The following LYRM4 variants were observed in gnomAD, a reference collection of about 807,000 sequenced individuals.
LYRM4 encodes LYR motif-containing protein 4.
LYRM4 carries 9 observed loss-of-function variants against 11.7 expected under a neutral mutation model. The observed-to-expected ratio is 0.77, with a 90% CI of 0.46 to 1.34. The LOEUF (loss-of-function observed/expected upper bound fraction) is 1.34, where lower values mean the gene tolerates loss of function less well. LYRM4 is among the 40% of genes most tolerant of loss of function. LYRM4 has a pLI of 0.00. For missense variants in LYRM4, 133 were observed against 112.5 expected (o/e 1.18, Z -0.82); for synonymous variants, 42 against 40.4 (o/e 1.04, Z -0.15).
rs965218321 is a variant in LYRM4, at chr6:5,167,346, T to C, written c.207+49272A>G. Among the ~76,000 whole-genome samples the C allele has an allele frequency of 2.6e-5, 4 of 152,214 alleles. 1 individual carries two copies. Among genetic ancestry groups the C allele is most frequent in the African/African-American group, 9.6e-5 (4 of 41,456 alleles). ...AATAGTCTTATACCAGAAAATGTCT[T>C]GTTCTATGCCTACACAAATACACAG... On this transcript the variant is annotated intron_variant, in intron 2 of 2. Transcript: ENST00000330636.
At chr6:5,040,073 C>T in the LYRM4 span, among the ~76,000 whole-genome samples, 2 of 152,132 alleles carry the variant, frequency 1.3e-5, no homozygotes, top group Non-Finnish European at 2.9e-5. Context: ...TAAAACATAT[C>T]CTAAACTATC....
chr6:5,085,667 C>G, the LYRM4 span: 9 of 1,548,328 alleles, frequency 5.8e-6, no homozygotes, highest in African/African-American at 1.4e-5. Context: ...CCCCTGTCCC[C>G]GAAGGAAGAG....
intron 2 of LYRM4, among the ~76,000 whole-genome samples, chr6:5,202,023 G>A (rs1048188224): frequency 1.3e-5 from 2 of 152,172 alleles, no homozygotes; most frequent in Non-Finnish European, 2.9e-5. Flanking sequence ...AATGATCCAT[G>A]CCTGCGGCAC....
intron 2 of LYRM4, among the ~76,000 whole-genome samples, chr6:5,195,107 C>T (rs1372887932): frequency 3.3e-5 from 5 of 152,182 alleles, no homozygotes; most frequent in Admixed American, 3.3e-4. Context: ...ACACAATAGA[C>T]AAATGAAAAT....
At chr6:5,233,150 C>G (rs1763339421) in intron 1 of LYRM4, among the ~76,000 whole-genome samples, 1 of 152,186 alleles carries the variant, frequency 6.6e-6, no homozygotes, top group Admixed American at 6.5e-5. Flanking sequence ...CGCCCTGCCT[C>G]CCATTTCCTG....
chr6:5,056,728 C>T, the LYRM4 span, among the ~76,000 whole-genome samples: 1 of 152,150 alleles, frequency 6.6e-6, no homozygotes, highest in Non-Finnish European at 1.5e-5. Context: ...AGATTTTAAC[C>T]TTAGCAATGC....
chr6:5,038,024 A>G, the LYRM4 span, among the ~76,000 whole-genome samples: 4 of 41,590 alleles, frequency 9.6e-5, no homozygotes, highest in African/African-American at 1.3e-4. Context: ...TGGCTGCCGG[A>G]CGGAGGGGCT....
intron 2 of LYRM4, among the ~76,000 whole-genome samples, chr6:5,118,883 C>T (rs1368835049): frequency 6.6e-6 from 1 of 152,188 alleles, no homozygotes; most frequent in Non-Finnish European, 1.5e-5. Context: ...TAGAATCCAG[C>T]AGGCTTGTTT....
the LYRM4 span, chr6:5,032,395 T>C: frequency 2.0e-5 from 3 of 152,350 alleles, no homozygotes; most frequent in Non-Finnish European, 4.4e-5. Flanking sequence ...CTGAGTTTCA[T>C]TGAGGTATAA....
chr6:5,144,640 A>G (rs1435952826), intron 2 of LYRM4, among the ~76,000 whole-genome samples: 1 of 151,102 alleles, frequency 6.6e-6, no homozygotes, highest in South Asian at 2.1e-4. Context: ...AAAAAAAAAA[A>G]AAAAAAAAAA....
chr6:5,136,191 G>C (rs1267242439), intron 2 of LYRM4: 1 of 758,730 alleles, frequency 1.3e-6, no homozygotes, highest in East Asian at 1.3e-4. Context: ...ATACTGCTCT[G>C]AACACTGGTG....
At chr6:5,064,618 G>C in the LYRM4 span, among the ~76,000 whole-genome samples, 1 of 152,036 alleles carries the variant, frequency 6.6e-6, no homozygotes, top group Non-Finnish European at 1.5e-5. Flanking sequence ...TGGTCAGATT[G>C]GTCTTGAACT....
the LYRM4 span, among the ~76,000 whole-genome samples, chr6:5,052,155 A>G: frequency 6.6e-6 from 1 of 152,254 alleles, no homozygotes; most frequent in African/African-American, 2.4e-5. Context: ...AAAGGGCACT[A>G]AACAGTAACT....
intron 2 of LYRM4, among the ~76,000 whole-genome samples, chr6:5,115,140 T>C (rs1763061523): frequency 6.6e-6 from 1 of 152,240 alleles, no homozygotes; most frequent in Non-Finnish European, 1.5e-5. Flanking sequence ...TTTAGACTGT[T>C]TCCACTTAAT....
intron 2 of LYRM4, among the ~76,000 whole-genome samples, chr6:5,153,010 T>C (rs548867828): frequency 4.4e-4 from 67 of 152,356 alleles, no homozygotes; most frequent in African/African-American, 1.5e-3. Context: ...ATGAAGGCAG[T>C]ACGTACCTAA....
intron 1 of LYRM4, among the ~76,000 whole-genome samples, chr6:5,220,208 G>A (rs1006413093): frequency 2.0e-5 from 3 of 152,120 alleles, no homozygotes; most frequent in Admixed American, 6.6e-5. Context: ...AGGCAGTAAC[G>A]AAAGCTCTTC....
the LYRM4 span, among the ~76,000 whole-genome samples, chr6:5,040,352 GATACATACATACATACATAC>G: frequency 7.7e-6 from 1 of 130,122 alleles, no homozygotes; most frequent in African/African-American, 3.4e-5. Flanking sequence ...TAGATAGATA[GATACATACATACATACATAC>G]ATACATACAT....
intron 2 of LYRM4, among the ~76,000 whole-genome samples, chr6:5,165,195 A>T (rs768089160): frequency 2.6e-5 from 4 of 152,232 alleles, no homozygotes; most frequent in Non-Finnish European, 5.9e-5. Flanking sequence ...TCCCAGTTTC[A>T]ATCAGTTTGC....
intron 1 of LYRM4, among the ~76,000 whole-genome samples, chr6:5,227,779 T>G (rs71557546): frequency 0.027 from 4,073 of 152,278 alleles, 173 homozygotes; most frequent in African/African-American, 0.085. Context: ...GTGGCACATT[T>G]ACACCACAGA....
Sources: allele counts gnomAD v4.1 joint callset (sites outside exome capture counted in the v4.1 genomes callset), GRCh38; gene constraint gnomAD v4.1.1; transcripts MANE v1.5; gene names NCBI Gene and HGNC (gene_info 2026-07-23, HGNC 2026-07-21).